The following TMEM200A variants were observed in gnomAD, a reference collection of about 807,000 sequenced individuals.
TMEM200A encodes transmembrane protein 200A, also known as two transmembrane C.
TMEM200A carries 12 observed loss-of-function variants against 24.3 expected under a neutral mutation model. The ratio of observed to expected loss-of-function variants is 0.49; its 90% CI spans 0.32 to 0.80. The LOEUF (loss-of-function observed/expected upper bound fraction) is 0.80, where lower values mean the gene tolerates loss of function less well. Among genes scored for constraint, TMEM200A ranks in the 30% least tolerant of loss-of-function variants. The pLI, the probability that TMEM200A is intolerant of heterozygous loss-of-function variation, is 0.04. For synonymous variants in TMEM200A, 224 were observed against 224.4 expected (o/e 1.00, Z 0.02); for missense variants, 545 against 614.4 (o/e 0.89, Z 1.19).
At chr6:130,409,248 T>C (rs545993185) in intron 2 of TMEM200A, among the ~76,000 whole-genome samples, 37 of 152,340 alleles carry the variant, frequency 2.4e-4, no homozygotes, top group Middle Eastern at 3.4e-3. Context: ...CCATTGGACA[T>C]GAACTGACCC....
intron 2 of TMEM200A, among the ~76,000 whole-genome samples, chr6:130,387,986 T>C (rs1408327951): frequency 6.6e-6 from 1 of 152,172 alleles, no homozygotes; most frequent in Non-Finnish European, 1.5e-5. Context: ...ATTCTCAAAA[T>C]AATTTTCCTT....
chr6:130,395,854 G>T (rs1308275054), intron 2 of TMEM200A, among the ~76,000 whole-genome samples: 1 of 152,168 alleles, frequency 6.6e-6, no homozygotes, highest in Non-Finnish European at 1.5e-5. Context: ...ATAGTACTGT[G>T]GTCATGTAAG....
At chr6:130,436,622 T>TTA in intron 2 of TMEM200A, among the ~76,000 whole-genome samples, 2 of 144,394 alleles carry the variant, frequency 1.4e-5, no homozygotes, top group South Asian at 2.2e-4. Context: ...GGCTTCGTTT[T>TTA]TCTTTATCCT....
intron 2 of TMEM200A, among the ~76,000 whole-genome samples, chr6:130,402,347 T>C (rs570255685): frequency 3.2e-4 from 48 of 152,124 alleles, no homozygotes; most frequent in African/African-American, 1.1e-3. Context: ...TGGGAATCAG[T>C]TGAGCAAAAA....
At chr6:130,426,127 G>T (rs1214221236) in intron 2 of TMEM200A, among the ~76,000 whole-genome samples, 3 of 152,148 alleles carry the variant, frequency 2.0e-5, no homozygotes, top group Non-Finnish European at 4.4e-5. Flanking sequence ...TTGAAGAAAA[G>T]TCAAATGTAA....
chr6:130,422,381 G>C (rs1366732154), intron 2 of TMEM200A, among the ~76,000 whole-genome samples: 1 of 152,076 alleles, frequency 6.6e-6, no homozygotes, highest in Non-Finnish European at 1.5e-5. Context: ...TGATTCTACT[G>C]CATCAGCCTC....
chr6:130,382,056 T>C (rs867297140), intron 1 of TMEM200A: 15 of 807,890 alleles, frequency 1.9e-5, no homozygotes, highest in Middle Eastern at 6.3e-4. Flanking sequence ...AGTTGAGATT[T>C]TTTTTGGAAA....
chr6:130,440,894 A>C lies in TMEM200A; in HGVS notation c.472A>C (p.Ile158Leu), dbSNP rs1243577556. Residue 158 changes from isoleucine to leucine, a missense_variant, in exon 3 of 3, where the codon ATA becomes CTA. Ile to Leu is a conservative substitution (Grantham distance 5, BLOSUM62 2). Coordinates refer to ENST00000296978, the MANE Select transcript of TMEM200A (RefSeq NM_001258277.2). The part of the protein sequence containing the change: ...HENRDKETKI[I>L]HMRDIYSTVI... ...AAACCGTGACAAAGAGACCAAAATC[A>C]TACACATGAGGGATATCTATTCCAC... The C allele has an allele frequency of 1.9e-6, 3 of 1,614,106 alleles. No individual in the cohort carries two copies. The Admixed American group carries it at 5.0e-5, about 27-fold the overall frequency.
chr6:130,394,647 G>A (rs1194823747), intron 2 of TMEM200A, among the ~76,000 whole-genome samples: 1 of 152,076 alleles, frequency 6.6e-6, no homozygotes, highest in Non-Finnish European at 1.5e-5. Flanking sequence ...TTATTTTTTG[G>A]CATCCCTTAT....
At chr6:130,437,739 C>A (rs1008931305) in intron 2 of TMEM200A, 1 of 152,108 alleles carries the variant, frequency 6.6e-6, no homozygotes. Context: ...CTTTAAGATA[C>A]CTTTTTTCTT....
At position 130,441,825 on chromosome 6, in the gene TMEM200A, A is replaced by C. The variant is rs943776156; in HGVS notation, c.1403A>C (p.Asn468Thr). The C allele has an allele frequency of 6.2e-7, 1 of 1,613,760 alleles. No individual in the cohort carries two copies. The highest frequency in any genetic ancestry group is 8.5e-7 in the Non-Finnish European group (1 of 1,179,944). The change falls in exon 3 of 3, where the codon AAT (asparagine) becomes ACT (threonine). Residue 468 changes from asparagine (N) to threonine (T), a missense_variant. By Grantham distance (65) the Asn-to-Thr change is moderately conservative (BLOSUM62 0). Coordinates refer to ENST00000296978, the MANE Select transcript of TMEM200A (RefSeq NM_001258277.2). ...CTTCTTATGATTTCAAGATCTCACA[A>C]TAATTTGAGTTTTGAACATGATGAG... ...EKLLMISRSH[N>T]NLSFEHDEFL...
At chr6:130,402,147 G>T (rs1779104122) in intron 2 of TMEM200A, among the ~76,000 whole-genome samples, 1 of 151,230 alleles carries the variant, frequency 6.6e-6, no homozygotes, top group African/African-American at 2.4e-5. Context: ...TTTCTGAATT[G>T]CTTTTATGGG....
At chr6:130,374,058 C>T (rs1298890645) in intron 1 of TMEM200A, among the ~76,000 whole-genome samples, 1 of 152,062 alleles carries the variant, frequency 6.6e-6, no homozygotes, top group Non-Finnish European at 1.5e-5. Context: ...GATAGGGGCC[C>T]ATGATAGAAA....
chr6:130,390,067 A>G (rs375340687), intron 2 of TMEM200A, among the ~76,000 whole-genome samples: 1 of 152,214 alleles, frequency 6.6e-6, no homozygotes, highest in African/African-American at 2.4e-5. Flanking sequence ...TTAACCATGA[A>G]TTGCTGTAAA....
At chr6:130,438,616 A>G (rs1780077817) in intron 2 of TMEM200A, 1 of 152,240 alleles carries the variant, frequency 6.6e-6, no homozygotes, top group South Asian at 2.1e-4. Flanking sequence ...GTACAGTAAT[A>G]TGGTGGTCAT....
At chr6:130,387,106 GT>G (rs1484950990) in intron 2 of TMEM200A, among the ~76,000 whole-genome samples, 2 of 152,176 alleles carry the variant, frequency 1.3e-5, no homozygotes, top group Admixed American at 6.5e-5. Flanking sequence ...GTGACAATAT[GT>G]GTTTCTTATA....
In TMEM200A at chr6:130,441,935, T is replaced by C; in HGVS notation, c.*37T>C. The stretch of plus-strand genomic sequence containing the variant: ...TATATCATTTTACAAGGGTATATAT[T>C]TTAAAACGATTTTCACTGGTGTTTC... On this transcript the variant is annotated 3_prime_UTR_variant, in exon 3 of 3. Coordinates refer to ENST00000296978, the MANE Select transcript of TMEM200A (RefSeq NM_001258277.2). 1 of 1,520,124 alleles carries C rather than the reference T, an allele frequency of 6.6e-7. No homozygotes were observed. Among genetic ancestry groups the C allele is most frequent in the Non-Finnish European group, 8.8e-7 (1 of 1,133,300 alleles). 94.2% of individuals were successfully genotyped at this position (1,520,124 alleles called of 1,614,324 possible). A position where few individuals can be genotyped will look rare whatever the true frequency, so the allele number is the denominator to read the frequency against.
chr6:130,382,958 G>A (rs2115092956), intron 1 of TMEM200A: 1 of 923,954 alleles, frequency 1.1e-6, no homozygotes, highest in Non-Finnish European at 1.3e-6. Context: ...CACCTGCTTT[G>A]CCTCCCTAGT....
At chr6:130,377,825 G>T (rs1008188512) in intron 1 of TMEM200A, among the ~76,000 whole-genome samples, 1 of 152,114 alleles carries the variant, frequency 6.6e-6, no homozygotes, top group African/African-American at 2.4e-5. Flanking sequence ...TGTATAATTT[G>T]TTGTGACAAA....
Sources: allele counts gnomAD v4.1 joint callset (sites outside exome capture counted in the v4.1 genomes callset), GRCh38; gene constraint gnomAD v4.1.1; transcripts MANE v1.5; gene names NCBI Gene and HGNC (gene_info 2026-07-23, HGNC 2026-07-21).